STARD13: variants seen among roughly 807,000 people sequenced by gnomAD.
STARD13 encodes StAR related lipid transfer domain containing 13, also known as stAR-related lipid transfer protein 13.
A neutral mutation model predicts 106.4 loss-of-function variants in STARD13; 62 were observed. The ratio of observed to expected loss-of-function variants is 0.58; its 90% CI spans 0.48 to 0.72. The LOEUF is 0.72. Among genes scored for constraint, STARD13 ranks in the 30% least tolerant of loss-of-function variants. The pLI, the probability that STARD13 is intolerant of heterozygous loss-of-function variation, is 0.00. For missense variants in STARD13, 1,387 were observed against 1,424.0 expected (o/e 0.97, Z 0.42); for synonymous variants, 565 against 553.0 (o/e 1.02, Z -0.31).
the STARD13 span, among the ~76,000 whole-genome samples, chr13:33,454,606 CT>C: frequency 6.6e-6 from 1 of 152,192 alleles, no homozygotes; most frequent in Non-Finnish European, 1.5e-5. Context: ...CGACCTGAGG[CT>C]TCTGATTCCC....
chr13:33,110,194 A>G (rs1489490516), intron 11 of STARD13, 104 bp from the exon 12 acceptor site: 1 of 927,172 alleles, frequency 1.1e-6, no homozygotes, highest in Non-Finnish European at 1.7e-6. Context: ...CTGGGTGTTC[A>G]AAAACCATCA....
At chr13:33,116,922 T>C (rs1449280642) in intron 8 of STARD13, among the ~76,000 whole-genome samples, 1 of 152,222 alleles carries the variant, frequency 6.6e-6, no homozygotes, top group East Asian at 1.9e-4. Flanking sequence ...GAATTCTCTA[T>C]AGCATGGATA....
the STARD13 span, among the ~76,000 whole-genome samples, chr13:33,495,327 G>A: frequency 6.6e-6 from 1 of 152,138 alleles, no homozygotes; most frequent in Non-Finnish European, 1.5e-5. Context: ...CAGTGGAAAT[G>A]TGGAATTTTG....
chr13:33,597,795 G>A, the STARD13 span, among the ~76,000 whole-genome samples: 2 of 151,886 alleles, frequency 1.3e-5, no homozygotes, highest in African/African-American at 2.4e-5. Flanking sequence ...CAGAGGTTGT[G>A]GCGAGCTGAG....
At chr13:33,501,991 C>A in the STARD13 span, among the ~76,000 whole-genome samples, 1 of 152,070 alleles carries the variant, frequency 6.6e-6, no homozygotes, top group Non-Finnish European at 1.5e-5. Context: ...ACCATTTTCA[C>A]GATATTGATT....
intron 13 of STARD13, among the ~76,000 whole-genome samples, chr13:33,105,989 A>G (rs889510501): frequency 1.3e-5 from 2 of 152,236 alleles, no homozygotes; most frequent in African/African-American, 4.8e-5. Context: ...GAAATCCAGA[A>G]TTTACTGTGA....
chr13:33,217,023 T>C (rs1394664284), intron 1 of STARD13, among the ~76,000 whole-genome samples: 1 of 152,134 alleles, frequency 6.6e-6, no homozygotes, highest in Admixed American at 6.5e-5. Context: ...TATAACTGCA[T>C]GCTTTTTATA....
At chr13:33,112,040 T>C (rs1874662552) in intron 9 of STARD13, 148 bp from the exon 10 acceptor site, 1 of 589,938 alleles carries the variant, frequency 1.7e-6, no homozygotes, top group Non-Finnish European at 3.1e-6. Context: ...TGATCACATA[T>C]CTTAGATATC....
At chr13:33,248,718 C>T (rs984541662) in intron 1 of STARD13, among the ~76,000 whole-genome samples, 4 of 152,042 alleles carry the variant, frequency 2.6e-5, no homozygotes, top group Admixed American at 6.5e-5. Context: ...TTTCTTCTTC[C>T]TCCACTTCTC....
At chr13:33,413,500 A>G in the STARD13 span, among the ~76,000 whole-genome samples, 1 of 152,206 alleles carries the variant, frequency 6.6e-6, no homozygotes, top group Non-Finnish European at 1.5e-5. Flanking sequence ...GACAAACATT[A>G]AAATTAAAAA....
the STARD13 span, among the ~76,000 whole-genome samples, chr13:33,462,905 C>A: frequency 6.6e-6 from 1 of 152,200 alleles, no homozygotes; most frequent in South Asian, 2.1e-4. Context: ...TAGCATCATT[C>A]AGTCCAATCA....
chr13:33,582,804 T>C, the STARD13 span, among the ~76,000 whole-genome samples: 2 of 152,212 alleles, frequency 1.3e-5, no homozygotes, highest in African/African-American at 4.8e-5. Context: ...TCAACTAAGC[T>C]ATGGGAAATA....
At chr13:33,636,804 C>T in the STARD13 span, among the ~76,000 whole-genome samples, 1 of 152,166 alleles carries the variant, frequency 6.6e-6, no homozygotes, top group Non-Finnish European at 1.5e-5. Context: ...GGATCCATTG[C>T]CCTGCTTGGA....
the STARD13 span, among the ~76,000 whole-genome samples, chr13:33,632,878 A>T: frequency 6.6e-6 from 1 of 151,876 alleles, no homozygotes; most frequent in Non-Finnish European, 1.5e-5. Context: ...TCAAGAGCAC[A>T]GTGATCATTC....
chr13:33,242,011 G>A (rs1235828291), intron 1 of STARD13, among the ~76,000 whole-genome samples: 4 of 152,018 alleles, frequency 2.6e-5, no homozygotes, highest in African/African-American at 7.2e-5. Flanking sequence ...ATGGTCTGGG[G>A]TGTGGGGAGC....
intron 1 of STARD13, among the ~76,000 whole-genome samples, chr13:33,242,022 C>A (rs1027132440): frequency 1.2e-4 from 18 of 151,714 alleles, no homozygotes; most frequent in Non-Finnish European, 2.7e-4. Flanking sequence ...TGTGGGGAGC[C>A]CCTCTGCCCC....
At chr13:33,433,920 G>A in the STARD13 span, among the ~76,000 whole-genome samples, 1 of 152,074 alleles carries the variant, frequency 6.6e-6, no homozygotes, top group African/African-American at 2.4e-5. Flanking sequence ...GAGTCACAAT[G>A]CCCACTCAAT....
the STARD13 span, among the ~76,000 whole-genome samples, chr13:33,635,266 T>TG: frequency 1.5e-5 from 2 of 136,120 alleles, no homozygotes; most frequent in African/African-American, 7.3e-5. Context: ...GGGGTTAAAA[T>TG]CCCGTTTCTA....
the STARD13 span, among the ~76,000 whole-genome samples, chr13:33,507,732 C>G: frequency 6.6e-6 from 1 of 152,114 alleles, no homozygotes; most frequent in Non-Finnish European, 1.5e-5. Flanking sequence ...AAATAGCTGA[C>G]AAGCACATAT....
Sources: allele counts gnomAD v4.1 joint callset (sites outside exome capture counted in the v4.1 genomes callset), GRCh38; gene constraint gnomAD v4.1.1; transcripts MANE v1.5; gene names NCBI Gene and HGNC (gene_info 2026-07-23, HGNC 2026-07-21).